The following CLVS1 variants were observed in gnomAD, a reference collection of about 807,000 sequenced individuals.
CLVS1 encodes clavesin 1.
Under a neutral mutation model 33.1 loss-of-function variants are expected in CLVS1, and 10 were observed. The observed-to-expected ratio is 0.30, with a 90% CI of 0.19 to 0.51. The LOEUF is 0.51. CLVS1 is among the 20% of genes least tolerant of loss of function. The probability of loss-of-function intolerance (pLI) is 0.97; values close to 1 mark genes in which losing one functional copy is unlikely to be tolerated. For missense variants in CLVS1, 343 were observed against 433.4 expected, an observed-to-expected ratio of 0.79 and a Z score of 1.85; for synonymous variants, 163 against 166.1, an observed-to-expected ratio of 0.98 and a Z score of 0.14.
intron 2 of CLVS1, among the ~76,000 whole-genome samples, chr8:61,338,964 C>CTGTGTGTGTG (rs10608173): frequency 2.0e-5 from 3 of 148,520 alleles, no homozygotes; most frequent in African/African-American, 5.0e-5. Flanking sequence ...AAAGGGAACA[C>CTGTGTGTGTG]TGTGTGTGTG....
the CLVS1 span, among the ~76,000 whole-genome samples, chr8:61,013,232 T>C: frequency 2.0e-5 from 3 of 152,180 alleles, no homozygotes; most frequent in Non-Finnish European, 2.9e-5. Context: ...ACTTGCAACG[T>C]TCCTGAGCCC....
At chr8:61,278,413 C>G (rs1392616281) in intron 2 of CLVS1, among the ~76,000 whole-genome samples, 1 of 152,142 alleles carries the variant, frequency 6.6e-6, no homozygotes, top group Non-Finnish European at 1.5e-5. Context: ...ATGTTTAGGC[C>G]CATCTTCCTC....
chr8:61,463,888 G>C (rs1239886781), intron 5 of CLVS1, among the ~76,000 whole-genome samples: 1 of 151,888 alleles, frequency 6.6e-6, no homozygotes, highest in Non-Finnish European at 1.5e-5. Flanking sequence ...GCAACATGGT[G>C]AAACCCCGTA....
intron 5 of CLVS1, among the ~76,000 whole-genome samples, chr8:61,464,086 CT>C (rs544964525): frequency 3.4e-3 from 215 of 62,560 alleles, no homozygotes; most frequent in Non-Finnish European, 8.1e-3. Flanking sequence ...GAGACTCTGT[CT>C]CAAAAAAAAA....
intron 2 of CLVS1, among the ~76,000 whole-genome samples, chr8:61,311,425 G>A (rs6985379): frequency 0.014 from 2,056 of 152,132 alleles, 34 homozygotes; most frequent in African/African-American, 0.047. Context: ...GTGCCCTTAC[G>A]ATTGCACTCA....
chr8:61,054,944 C>A (rs1271605515), upstream of CLVS1, among the ~76,000 whole-genome samples: 1 of 152,082 alleles, frequency 6.6e-6, no homozygotes, highest in African/African-American at 2.4e-5. Context: ...TCCCTTTTGT[C>A]CAAAATCATT....
intron 2 of CLVS1, among the ~76,000 whole-genome samples, chr8:61,147,491 A>G (rs1437977277): frequency 6.6e-6 from 1 of 152,212 alleles, no homozygotes; most frequent in Admixed American, 6.5e-5. Context: ...CTGGGCACCT[A>G]TGCATTTAGA....
chr8:61,172,029 C>T (rs983725423), intron 2 of CLVS1, among the ~76,000 whole-genome samples: 1 of 152,186 alleles, frequency 6.6e-6, no homozygotes, highest in African/African-American at 2.4e-5. Context: ...CACCTCCAAA[C>T]TCTTGCTAAT....
At chr8:61,035,612 A>C in the CLVS1 span, among the ~76,000 whole-genome samples, 4 of 152,164 alleles carry the variant, frequency 2.6e-5, no homozygotes, top group Non-Finnish European at 5.9e-5. Flanking sequence ...TGTTTAGTGT[A>C]ATCTAAACAC....
At chr8:61,152,327 T>C (rs1227994869) in intron 2 of CLVS1, among the ~76,000 whole-genome samples, 1 of 152,188 alleles carries the variant, frequency 6.6e-6, no homozygotes, top group Non-Finnish European at 1.5e-5. Context: ...GGCCCTACCC[T>C]CAGGCCTTCA....
chr8:61,105,078 C>A (rs1309311111), intron 1 of CLVS1, among the ~76,000 whole-genome samples: 2 of 152,178 alleles, frequency 1.3e-5, no homozygotes, highest in South Asian at 4.1e-4. Flanking sequence ...GATCCACCTG[C>A]CTCACCCTCC....
intron 2 of CLVS1, among the ~76,000 whole-genome samples, chr8:61,327,482 T>A (rs2129596881): frequency 6.6e-6 from 1 of 152,308 alleles, no homozygotes; most frequent in South Asian, 2.1e-4. Context: ...AACGTCTACA[T>A]ATTATCTACT....
intron 2 of CLVS1, among the ~76,000 whole-genome samples, chr8:61,255,324 TG>T (rs1809055325): frequency 6.6e-6 from 1 of 152,202 alleles, no homozygotes; most frequent in Admixed American, 6.5e-5. Flanking sequence ...GAGAGAATTC[TG>T]GTACCTTCAC....
chr8:61,246,167 CTTTTTTT>C (rs1188366643), intron 2 of CLVS1, among the ~76,000 whole-genome samples: 7 of 82,238 alleles, frequency 8.5e-5, no homozygotes, highest in South Asian at 4.7e-4. Context: ...TCCTTCCCAA[CTTTTTTT>C]TTTTTTTTTT....
intron 2 of CLVS1, among the ~76,000 whole-genome samples, chr8:61,277,369 G>C (rs1381196461): frequency 6.6e-6 from 1 of 152,150 alleles, no homozygotes; most frequent in African/African-American, 2.4e-5. Flanking sequence ...TCTGCATAAG[G>C]TCCTGCTTCC....
intron 2 of CLVS1, among the ~76,000 whole-genome samples, chr8:61,354,506 T>A (rs1358633106): frequency 6.6e-6 from 1 of 152,068 alleles, no homozygotes; most frequent in Admixed American, 6.6e-5. Flanking sequence ...TAAAAACCTA[T>A]ATTCACAAAA....
At chr8:61,245,836 A>G (rs1214571727) in intron 2 of CLVS1, among the ~76,000 whole-genome samples, 2 of 152,002 alleles carry the variant, frequency 1.3e-5, no homozygotes, top group Non-Finnish European at 2.9e-5. Flanking sequence ...TGTTGTGATC[A>G]TCGGTCATTG....
intron 5 of CLVS1, among the ~76,000 whole-genome samples, chr8:61,462,197 C>T (rs1817392102): frequency 6.6e-6 from 1 of 152,164 alleles, no homozygotes; most frequent in Admixed American, 6.5e-5. Context: ...GGCTCAACTT[C>T]TTCCAAAGTC....
intron 3 of CLVS1, among the ~76,000 whole-genome samples, chr8:61,388,480 T>TA (rs1348528874): frequency 3.3e-5 from 5 of 151,890 alleles, no homozygotes; most frequent in East Asian, 3.9e-4. Context: ...ATTTTGAGCC[T>TA]AAAAAATGCA....
Sources: gnomAD v4.1 joint callset for allele counts (sites outside exome capture counted in the v4.1 genomes callset) on GRCh38, gnomAD v4.1.1 for gene constraint, MANE v1.5 for transcripts, NCBI Gene and HGNC (gene_info 2026-07-23, HGNC 2026-07-21) for gene names.